Variants in THEMIS observed in about 807,000 individuals in gnomAD.
THEMIS encodes the protein thymocyte selection associated, also known as protein THEMIS.
THEMIS carries 37 observed loss-of-function variants against 52.6 expected under a neutral mutation model. The observed-to-expected ratio is 0.70, with a 90% CI of 0.54 to 0.93. THEMIS has a LOEUF of 0.93. THEMIS is among the 40% of genes least tolerant of loss of function. The pLI, the probability that THEMIS is intolerant of heterozygous loss-of-function variation, is 0.00. For missense variants in THEMIS, 808 were observed against 763.1 expected (o/e 1.06, Z -0.69); for synonymous variants, 292 against 272.7 (o/e 1.07, Z -0.70).
rs1486637809 is a variant in THEMIS at position 127,730,356 on chromosome 6, AAAGAGAAGAC to A, written c.1759-10543_1759-10534del. 2.0e-4 allele frequency among the ~76,000 whole-genome samples: 27 copies of A among 136,346 alleles called. 1 individual carries two copies. The East Asian group carries it at 4.7e-3, about 24-fold the overall frequency. The allele number at this position is 136,346 out of a possible 152,430, so 89.4% of individuals were successfully genotyped here. Reference sequence around the variant, plus strand: ...GAAAAGAAAAGAAGAGAAGAGAAGAAAAGAGAAGACAAGAGAAGAGAAAGAGAAAGAAAGA... The same window carrying A: ...GAAAAGAAAAGAAGAGAAGAGAAGAAAAGAGAAGAGAAAGAGAAAGAAAGA... On this transcript the variant is annotated intron_variant, in intron 4 of 5. Coordinates refer to ENST00000368248, the MANE Select transcript of THEMIS (RefSeq NM_001010923.3).
intron 2 of THEMIS, 56 bp downstream of exon 2, chr6:127,854,974 T>C: frequency 6.8e-7 from 1 of 1,470,442 alleles, no homozygotes; most frequent in Non-Finnish European, 9.1e-7. Context: ...TGTGTATATA[T>C]ACATATTAAT....
chr6:127,914,758 C>T (rs989541348), intron 1 of THEMIS, among the ~76,000 whole-genome samples: 1 of 152,146 alleles, frequency 6.6e-6, no homozygotes, highest in African/African-American at 2.4e-5. Context: ...TGACATTTGC[C>T]GCCTTTGTTC....
At chr6:127,839,631 G>C (rs1778980689) in intron 2 of THEMIS, among the ~76,000 whole-genome samples, 2 of 152,050 alleles carry the variant, frequency 1.3e-5, no homozygotes, top group Non-Finnish European at 2.9e-5. Context: ...GCCTTTCAAA[G>C]AGCTGGGATT....
chr6:127,787,227 C>T (rs1380130034), intron 4 of THEMIS, among the ~76,000 whole-genome samples: 1 of 152,014 alleles, frequency 6.6e-6, no homozygotes, highest in Non-Finnish European at 1.5e-5. Context: ...CCCAACTTTC[C>T]TGTTTATCTT....
At chr6:127,759,558 C>T (rs1342976908) in intron 4 of THEMIS, among the ~76,000 whole-genome samples, 1 of 152,154 alleles carries the variant, frequency 6.6e-6, no homozygotes, top group East Asian at 1.9e-4. Context: ...CTCCCAGCTG[C>T]ACATGTTAAT....
intron 1 of THEMIS, among the ~76,000 whole-genome samples, chr6:127,912,063 A>G (rs183525070): frequency 3.4e-3 from 521 of 152,304 alleles, no homozygotes; most frequent in Admixed American, 5.9e-3. Context: ...TACCCTGCAA[A>G]GTCATGGGGC....
At position 127,804,918 on chromosome 6, in the gene THEMIS, T is replaced by C. The variant is rs536412482; in HGVS notation, c.1758+7965A>G. On this transcript the variant is annotated intron_variant, in intron 4 of 5. Coordinates refer to ENST00000368248, the MANE Select transcript of THEMIS (RefSeq NM_001010923.3). ...ATCTGAATGAGCGTAATGTCACAAG[T>C]CAGAATAATATTGGTATCTTTTCAG... 5.9e-5 allele frequency among the ~76,000 whole-genome samples: 9 copies of C among 152,236 alleles called. No homozygotes were observed. The South Asian group carries it at 1.9e-3, about 32-fold the overall frequency.
chr6:127,798,553 T>A (rs1183664512), intron 4 of THEMIS, among the ~76,000 whole-genome samples: 1 of 152,206 alleles, frequency 6.6e-6, no homozygotes, highest in Middle Eastern at 3.2e-3. Flanking sequence ...ATAATTATTC[T>A]CTGAGCTTCA....
At chr6:127,913,502 A>G (rs1332288758) in intron 1 of THEMIS, among the ~76,000 whole-genome samples, 5 of 152,172 alleles carry the variant, frequency 3.3e-5, no homozygotes, top group Admixed American at 6.5e-5. Context: ...GACTTGACAT[A>G]TTTGTTGTAT....
At chr6:127,743,984 A>G (rs1775296162) in intron 4 of THEMIS, among the ~76,000 whole-genome samples, 1 of 152,110 alleles carries the variant, frequency 6.6e-6, no homozygotes. Context: ...TGAAATCTGG[A>G]AATAAGACTT....
At chr6:127,907,819 T>C (rs531758024) in intron 1 of THEMIS, among the ~76,000 whole-genome samples, 41 of 132,478 alleles carry the variant, frequency 3.1e-4, no homozygotes, top group African/African-American at 1.1e-3. Context: ...TCCAACCATA[T>C]GTACATTCTT....
chr6:127,882,947 T>C lies in THEMIS; in HGVS notation c.91+17895A>G, dbSNP rs148954730. Among the ~76,000 whole-genome samples the C allele has an allele frequency of 2.4e-3, 361 of 152,082 alleles. 1 individual carries two copies. Among genetic ancestry groups the C allele is most frequent in the Non-Finnish European group, 3.8e-3 (257 of 67,828 alleles). On this transcript the variant is annotated intron_variant, in intron 1 of 5. Coordinates refer to ENST00000368248, the MANE Select transcript of THEMIS (RefSeq NM_001010923.3). The stretch of plus-strand genomic sequence containing the variant: ...GATTTTTGCTGTATGAACTCTCAGA[T>C]GCATCAGATCCATAAGAGTCATGTT...
chr6:127,764,527 G>T (rs922808681), intron 4 of THEMIS, among the ~76,000 whole-genome samples: 1 of 151,928 alleles, frequency 6.6e-6, no homozygotes, highest in Non-Finnish European at 1.5e-5. Flanking sequence ...TGGGACACTA[G>T]GCTACAAACA....
chr6:127,752,419 A>G (rs1195046606), intron 4 of THEMIS, among the ~76,000 whole-genome samples: 1 of 151,032 alleles, frequency 6.6e-6, no homozygotes, highest in Non-Finnish European at 1.5e-5. Context: ...AGTAACTAAG[A>G]AAAAAGAAGA....
At chr6:127,838,168 A>G (rs1778932699) in intron 2 of THEMIS, among the ~76,000 whole-genome samples, 1 of 152,090 alleles carries the variant, frequency 6.6e-6, no homozygotes, top group African/African-American at 2.4e-5. Context: ...GGAATTCAAA[A>G]TATATTACAT....
At chr6:127,798,167 G>A (rs1307515710) in intron 4 of THEMIS, among the ~76,000 whole-genome samples, 1 of 152,166 alleles carries the variant, frequency 6.6e-6, no homozygotes, top group African/African-American at 2.4e-5. Flanking sequence ...TATGATGAAA[G>A]TGCTCCTGAT....
chr6:127,887,017 C>G (rs941851795), intron 1 of THEMIS, among the ~76,000 whole-genome samples: 8 of 151,594 alleles, frequency 5.3e-5, no homozygotes, highest in South Asian at 4.2e-4. Context: ...CCTCCCCCCC[C>G]AAAAAATACA....
chr6:127,770,722 A>G (rs1206547854), intron 4 of THEMIS, among the ~76,000 whole-genome samples: 1 of 152,120 alleles, frequency 6.6e-6, no homozygotes, highest in African/African-American at 2.4e-5. Context: ...GGTATTGCCT[A>G]GGTTTTCTTC....
chr6:127,735,317 G>A (rs535643118), intron 4 of THEMIS, among the ~76,000 whole-genome samples: 1 of 151,224 alleles, frequency 6.6e-6, no homozygotes, highest in East Asian at 2.0e-4. Context: ...GGGCGTGTGT[G>A]CGTGTGTGTG....
Sources: gnomAD v4.1 joint callset for allele counts (sites outside exome capture counted in the v4.1 genomes callset) on GRCh38, gnomAD v4.1.1 for gene constraint, MANE v1.5 for transcripts, NCBI Gene and HGNC (gene_info 2026-07-23, HGNC 2026-07-21) for gene names.